Variants in MTRES1 observed in about 807,000 individuals in gnomAD.
MTRES1 encodes mitochondrial transcription rescue factor 1.
Under a neutral mutation model 17.4 loss-of-function variants are expected in MTRES1, and 11 were observed. That is an observed-to-expected ratio of 0.63 (90% CI 0.40 to 1.05). The LOEUF (loss-of-function observed/expected upper bound fraction) is 1.05. MTRES1 is among the 50% of genes least tolerant of loss of function. The pLI is 0.00. For missense variants in MTRES1, 268 were observed against 276.2 expected, an observed-to-expected ratio of 0.97 and a Z score of 0.21; for synonymous variants, 94 against 99.6, an observed-to-expected ratio of 0.94 and a Z score of 0.34.
intron 1 of MTRES1, among the ~76,000 whole-genome samples, chr6:107,029,233 G>T (rs1446814478): frequency 6.6e-6 from 1 of 150,574 alleles, no homozygotes; most frequent in Non-Finnish European, 1.5e-5. Context: ...TGTCGCCCAG[G>T]CTGGAGTGCA....
At chr6:107,039,611 C>A in intron 1 of MTRES1, 138 bp from the exon 2 acceptor site, 1 of 889,486 alleles carries the variant, frequency 1.1e-6, no homozygotes, top group Non-Finnish European at 1.6e-6. Flanking sequence ...TGAACCACTG[C>A]GCCAGGCCCA....
intron 3 of MTRES1, among the ~76,000 whole-genome samples, chr6:107,050,439 G>A (rs1347337366): frequency 6.6e-6 from 1 of 151,660 alleles, no homozygotes; most frequent in Non-Finnish European, 1.5e-5. Context: ...CAATAGATGT[G>A]AGTATTTGAG....
intron 1 of MTRES1, 47 bp from the exon 2 acceptor site, chr6:107,039,702 C>A: frequency 6.5e-7 from 1 of 1,541,384 alleles, no homozygotes; most frequent in South Asian, 1.3e-5. Flanking sequence ...GTAATAATGT[C>A]ATGACACTGC....
Position 107,033,557 on chromosome 6 carries a change from G to T in MTRES1, c.-13+5286G>T, listed in dbSNP as rs143361833. On this transcript the variant is annotated intron_variant, in intron 1 of 3. Coordinates refer to ENST00000311381, the MANE Select transcript of MTRES1 (RefSeq NM_016487.5). ...GGCAGGGCCGGGCACGGTGGCTCAC[G>T]CCTGTAATCCCAGCACTTTGGGAGG... is the stretch of plus-strand genomic sequence containing the variant. 4.7e-3 allele frequency among the ~76,000 whole-genome samples: 718 copies of T among 152,182 alleles called. 5 individuals carry two copies. The highest frequency in any genetic ancestry group is 0.016 in the African/African-American group (670 of 41,540).
chr6:107,046,609 G>A (rs1359139843), intron 3 of MTRES1, among the ~76,000 whole-genome samples: 6 of 152,166 alleles, frequency 3.9e-5, no homozygotes, highest in Non-Finnish European at 7.4e-5. Context: ...GGCCGTGGAG[G>A]GGAATAAAGA....
chr6:107,029,762 G>A (rs539732939), intron 1 of MTRES1, among the ~76,000 whole-genome samples: 2 of 152,158 alleles, frequency 1.3e-5, no homozygotes, highest in African/African-American at 4.8e-5. Context: ...GGAATTACAG[G>A]CATGAGCCAC....
intron 3 of MTRES1, among the ~76,000 whole-genome samples, chr6:107,046,593 G>A (rs1370254373): frequency 1.3e-5 from 2 of 152,168 alleles, no homozygotes; most frequent in Non-Finnish European, 2.9e-5. Flanking sequence ...TCTGCTGAGG[G>A]ACAGGGGCCG....
At chr6:107,040,251 A>G in intron 2 of MTRES1, 21 bp downstream of exon 2, 3 of 1,560,242 alleles carry the variant, frequency 1.9e-6, no homozygotes, top group Non-Finnish European at 2.6e-6. Flanking sequence ...TACGCATTTC[A>G]TTATAAACTC....
At position 107,051,245 on chromosome 6, in the gene MTRES1, C is replaced by T. The variant is rs782494174; in HGVS notation, c.*9C>T. 6.2e-7 allele frequency: 1 copy of T among 1,606,506 alleles called. No homozygotes were observed. Among genetic ancestry groups the T allele is most frequent in the Admixed American group, 1.7e-5 (1 of 58,984 alleles). On this transcript the variant is annotated 3_prime_UTR_variant, in exon 4 of 4. Transcript: ENST00000311381. ...AGAGAATGTCTAAATAAATGGATTG[C>T]TTTTTAGCAATAGAGCTGCTTTCTA...
intron 3 of MTRES1, among the ~76,000 whole-genome samples, chr6:107,050,411 A>C (rs973655102): frequency 1.3e-5 from 2 of 152,066 alleles, no homozygotes; most frequent in Non-Finnish European, 2.9e-5. Context: ...GTCCATTCAA[A>C]TATTTCCTTA....
At chr6:107,037,223 C>G (rs1192560024) in intron 1 of MTRES1, among the ~76,000 whole-genome samples, 1 of 152,094 alleles carries the variant, frequency 6.6e-6, no homozygotes, top group Non-Finnish European at 1.5e-5. Flanking sequence ...GCACCCGCCA[C>G]CACACCTGGC....
intron 1 of MTRES1, among the ~76,000 whole-genome samples, chr6:107,038,263 A>G (rs766150928): frequency 4.2e-4 from 64 of 152,200 alleles, no homozygotes; most frequent in Admixed American, 1.4e-3. Flanking sequence ...CTAAGGTACA[A>G]TCTAGGCACA....
intron 3 of MTRES1, among the ~76,000 whole-genome samples, chr6:107,049,712 C>T (rs1554228909): frequency 3.8e-5 from 5 of 130,592 alleles, no homozygotes; most frequent in Admixed American, 8.8e-5. Context: ...CGTGCCCAGC[C>T]GGCCCTTCTT....
chr6:107,040,273 T>C, intron 2 of MTRES1, 43 bp downstream of exon 2: 1 of 1,510,226 alleles, frequency 6.6e-7, no homozygotes, highest in Non-Finnish European at 8.9e-7. Context: ...CTCGTAGTCA[T>C]GTTATTTTAA....
rs782415927 is a variant in MTRES1 at position 107,051,018 on chromosome 6, C to T, written c.544-39C>T. The T allele has an allele frequency of 1.7e-5, 26 of 1,537,538 alleles. No homozygotes were observed. In the East Asian group the frequency reaches 3.8e-4, roughly 23 times the overall value. On this transcript the variant is annotated intron_variant, in intron 3 of 3. Transcript: ENST00000311381. Reference sequence around the variant, plus strand: ...AATGTTTGCATTGGCCTGGATTTCCCGAAGTGTAACCAAGCCTCTGTTTTC... The same window carrying T: ...AATGTTTGCATTGGCCTGGATTTCCTGAAGTGTAACCAAGCCTCTGTTTTC...
At chr6:107,050,847 G>A (rs1399863564) in intron 3 of MTRES1, among the ~76,000 whole-genome samples, 7 of 152,120 alleles carry the variant, frequency 4.6e-5, no homozygotes, top group Admixed American at 1.3e-4. Flanking sequence ...AAAGTGCTGG[G>A]ATTACAGGCG....
chr6:107,030,269 G>A (rs550095133), intron 1 of MTRES1, among the ~76,000 whole-genome samples: 1 of 152,058 alleles, frequency 6.6e-6, no homozygotes, highest in African/African-American at 2.4e-5. Flanking sequence ...TGAGTGCTTT[G>A]GTAGGGATTT....
At chr6:107,041,023 G>C (rs1184284204) in intron 2 of MTRES1, 1 of 151,088 alleles carries the variant, frequency 6.6e-6, no homozygotes, top group Non-Finnish European at 1.5e-5. Context: ...TCAGGAGATC[G>C]AGACCATCCT....
At position 107,039,791 on chromosome 6, in the gene MTRES1, G is replaced by C. The variant is rs782528097; in HGVS notation, c.31G>C (p.Gly11Arg). 5.8e-5 allele frequency: 94 copies of C among 1,607,996 alleles called. No individual in the cohort carries two copies. Among genetic ancestry groups the C allele is most frequent in the Non-Finnish European group, 8.0e-5 (94 of 1,178,648 alleles). Reference sequence around the variant, plus strand: ...TATGGCTAGTGTTAAATTGCTTGCCGGTGTTTTAAGAAAGCCAGATGCCTG... The same window carrying C: ...TATGGCTAGTGTTAAATTGCTTGCCCGTGTTTTAAGAAAGCCAGATGCCTG... MAMASVKLLA[G>R]VLRKPDAWIG... Residue 11 changes from glycine to arginine, a missense_variant, in exon 2 of 4, where the codon GGT becomes CGT. Transcript: ENST00000311381.
Sources: allele counts gnomAD v4.1 joint callset (sites outside exome capture counted in the v4.1 genomes callset), GRCh38; gene constraint gnomAD v4.1.1; transcripts MANE v1.5; gene names NCBI Gene and HGNC (gene_info 2026-07-23, HGNC 2026-07-21).